ZSCAN5A: variants seen among roughly 807,000 people sequenced by gnomAD.
ZSCAN5A encodes the protein zinc finger and SCAN domain-containing protein 5A.
Under a neutral mutation model 23.7 loss-of-function variants are expected in ZSCAN5A, and 12 were observed. That is an observed-to-expected ratio of 0.51 (90% confidence interval 0.32 to 0.82). ZSCAN5A has a LOEUF of 0.82. Among genes scored for constraint, ZSCAN5A ranks in the 40% least tolerant of loss-of-function variants. The probability of loss-of-function intolerance (pLI) is 0.03; values close to 1 mark genes in which losing one functional copy is unlikely to be tolerated. For missense variants in ZSCAN5A, 597 were observed against 617.9 expected (o/e 0.97, Z 0.36); for synonymous variants, 257 against 239.9 (o/e 1.07, Z -0.66).
At chr19:56,271,415 C>T (rs539589581) in intron 2 of ZSCAN5A, among the ~76,000 whole-genome samples, 31 of 152,320 alleles carry the variant, frequency 2.0e-4, no homozygotes, top group South Asian at 1.5e-3. Context: ...CGCATAGCAC[C>T]GGATGTGAAA....
intron 2 of ZSCAN5A, chr19:56,244,097 G>A: frequency 6.9e-7 from 1 of 1,439,312 alleles, no homozygotes; most frequent in Non-Finnish European, 9.7e-7. Flanking sequence ...CAACAGCCCT[G>A]AGTCAGAGCC....
chr19:56,278,998 G>C (rs1457458275), intron 2 of ZSCAN5A, among the ~76,000 whole-genome samples: 1 of 152,136 alleles, frequency 6.6e-6, no homozygotes, highest in East Asian at 1.9e-4. Flanking sequence ...ATATCCTCCA[G>C]AAACACCTTC....
chr19:56,293,688 C>A (rs919000255), intron 2 of ZSCAN5A, among the ~76,000 whole-genome samples: 3 of 152,154 alleles, frequency 2.0e-5, no homozygotes, highest in African/African-American at 7.2e-5. Context: ...CAGGATGATT[C>A]CCAATTGGGG....
At chr19:56,247,010 G>A (rs753602157) in intron 2 of ZSCAN5A, 3 of 1,118,992 alleles carry the variant, frequency 2.7e-6, no homozygotes, top group Admixed American at 3.5e-5. Flanking sequence ...GGCCCTGCAG[G>A]TGCAGTCAGT....
At chr19:56,337,275 G>A (rs939273598) in intron 2 of ZSCAN5A, among the ~76,000 whole-genome samples, 7 of 152,186 alleles carry the variant, frequency 4.6e-5, no homozygotes, top group Non-Finnish European at 5.9e-5. Flanking sequence ...CTCAAGCCCC[G>A]GCAATGGCAG....
intron 2 of ZSCAN5A, among the ~76,000 whole-genome samples, chr19:56,285,870 C>G (rs913587106): frequency 1.3e-5 from 2 of 152,128 alleles, no homozygotes; most frequent in East Asian, 1.9e-4. Context: ...TTGCAAATTC[C>G]TATCTGTTAA....
At chr19:56,314,843 T>G (rs980459339), upstream of ZSCAN5A, 2 of 152,368 alleles carry the variant, frequency 1.3e-5, no homozygotes, top group African/African-American at 4.8e-5. Flanking sequence ...TCACATTGGC[T>G]GCTAGGAGGC....
intron 2 of ZSCAN5A, among the ~76,000 whole-genome samples, chr19:56,354,968 G>A (rs2041692382): frequency 6.6e-6 from 1 of 152,070 alleles, no homozygotes; most frequent in Non-Finnish European, 1.5e-5. Context: ...AGTAAATCCT[G>A]GCTACATCCC....
intron 2 of ZSCAN5A, chr19:56,296,422 G>GT (rs35117455): frequency 0.25 from 38,670 of 151,964 alleles, 5,678 homozygotes; most frequent in East Asian, 0.74. Context: ...ACAGGTACTG[G>GT]TTTTTTCTAT....
chr19:56,268,553 GT>G, intron 2 of ZSCAN5A, among the ~76,000 whole-genome samples: 1 of 152,100 alleles, frequency 6.6e-6, no homozygotes, highest in East Asian at 1.9e-4. Context: ...TCTTTGTTTT[GT>G]TTTGGTAACA....
At chr19:56,234,714 T>A (rs62122498) in intron 2 of ZSCAN5A, among the ~76,000 whole-genome samples, 22,578 of 143,804 alleles carry the variant, frequency 0.16, 1,847 homozygotes, top group East Asian at 0.32. Context: ...ATGCAGCCCC[T>A]GTCACGTACC....
chr19:56,252,438 G>T (rs1373305191), intron 2 of ZSCAN5A, among the ~76,000 whole-genome samples: 1 of 152,320 alleles, frequency 6.6e-6, no homozygotes, highest in African/African-American at 2.4e-5. Context: ...TTACATAACA[G>T]GATTTCTGAA....
At chr19:56,249,606 C>A (rs2036201338) in intron 2 of ZSCAN5A, among the ~76,000 whole-genome samples, 1 of 152,202 alleles carries the variant, frequency 6.6e-6, no homozygotes, top group South Asian at 2.1e-4. Flanking sequence ...TTTCAAAAGT[C>A]TATAGAGCTC....
Position 56,225,141 on chromosome 19 carries a change from C to T in ZSCAN5A, c.-95G>A. The T allele has an allele frequency of 6.7e-7, 1 of 1,495,434 alleles. No homozygotes were observed. The allele number at this position is 1,495,434 out of a possible 1,614,324, so 92.6% of individuals were successfully genotyped here. ...ATCTACACAGGCTTCCTCTGGTTTT[C>T]CTCAGTAATAGATTCACTGTTCATT... is the stretch of plus-strand genomic sequence containing the variant. On this transcript the variant is annotated 5_prime_UTR_variant, in exon 3 of 6. Coordinates refer to ENST00000683990, the MANE Select transcript of ZSCAN5A (RefSeq NM_001322064.3).
intron 2 of ZSCAN5A, among the ~76,000 whole-genome samples, chr19:56,270,070 T>A (rs1319263186): frequency 6.6e-6 from 1 of 151,380 alleles, no homozygotes. Context: ...AACAACCAGG[T>A]TTTTTGCCGT....
At chr19:56,273,466 A>AAAAAGACAG (rs80267730) in intron 2 of ZSCAN5A, among the ~76,000 whole-genome samples, 1 of 151,742 alleles carries the variant, frequency 6.6e-6, no homozygotes, top group Non-Finnish European at 1.5e-5. Context: ...TATAGTGATG[A>AAAAAGACAG]AAATAGTTCT....
chr19:56,244,054 T>C (rs943389418), intron 2 of ZSCAN5A: 3 of 1,006,670 alleles, frequency 3.0e-6, no homozygotes, highest in East Asian at 2.4e-5. Flanking sequence ...TGGCTGCAAA[T>C]TGCAACTCCT....
intron 2 of ZSCAN5A, among the ~76,000 whole-genome samples, chr19:56,355,604 G>A (rs1040606606): frequency 1.3e-5 from 2 of 149,008 alleles, no homozygotes; most frequent in African/African-American, 5.0e-5. Context: ...AATTATGACT[G>A]TAAAACAATT....
intron 2 of ZSCAN5A, chr19:56,342,623 A>G (rs1022074363): frequency 1.9e-5 from 9 of 463,370 alleles, no homozygotes; most frequent in Non-Finnish European, 3.4e-5. Flanking sequence ...TTCCTTGATT[A>G]GGGAAAAAAA....
Sources: allele counts gnomAD v4.1 joint callset (sites outside exome capture counted in the v4.1 genomes callset), GRCh38; gene constraint gnomAD v4.1.1; transcripts MANE v1.5; gene names NCBI Gene and HGNC (gene_info 2026-07-23, HGNC 2026-07-21).